CIB4: variants seen among roughly 807,000 people sequenced by gnomAD.
CIB4 encodes calcium and integrin-binding family member 4.
CIB4 carries 25 observed loss-of-function variants against 25.8 expected under a neutral mutation model. That is an observed-to-expected ratio of 0.97 (90% confidence interval 0.71 to 1.35). The LOEUF is 1.35. Among genes scored for constraint, CIB4 ranks in the 40% most tolerant of loss-of-function variants. CIB4 has a pLI of 0.00. For synonymous variants in CIB4, 75 were observed against 81.4 expected (o/e 0.92, Z 0.42); for missense variants, 235 against 228.2 (o/e 1.03, Z -0.19).
chr2:26,591,118 G>A (rs1668579107), intron 4 of CIB4, among the ~76,000 whole-genome samples: 1 of 152,198 alleles, frequency 6.6e-6, no homozygotes, highest in Admixed American at 6.5e-5. Context: ...CGTCTTTTGT[G>A]GCCTCTGCCC....
At chr2:26,614,466 G>A (rs769969750) in intron 3 of CIB4, among the ~76,000 whole-genome samples, 8 of 152,302 alleles carry the variant, frequency 5.3e-5, no homozygotes, top group African/African-American at 1.2e-4. Flanking sequence ...TTGCACTAGA[G>A]GGAGGAGGCT....
intron 2 of CIB4, among the ~76,000 whole-genome samples, chr2:26,630,276 G>A (rs1669392219): frequency 6.6e-6 from 1 of 152,098 alleles, no homozygotes; most frequent in African/African-American, 2.4e-5. Context: ...TCCTGAACCT[G>A]GGTCCCTGTC....
chr2:26,610,289 T>C (rs556162724), intron 3 of CIB4, among the ~76,000 whole-genome samples: 1 of 152,344 alleles, frequency 6.6e-6, no homozygotes, highest in Admixed American at 6.5e-5. Flanking sequence ...AATTGATCTA[T>C]TTTGTCCCTC....
At chr2:26,598,349 T>C (rs1434891876) in intron 3 of CIB4, among the ~76,000 whole-genome samples, 1 of 149,712 alleles carries the variant, frequency 6.7e-6, no homozygotes, top group East Asian at 2.0e-4. Context: ...GTTAAAGAAA[T>C]GGCTCATGGC....
chr2:26,611,991 T>C (rs962824328), intron 3 of CIB4, among the ~76,000 whole-genome samples: 2 of 152,252 alleles, frequency 1.3e-5, no homozygotes, highest in East Asian at 1.9e-4. Context: ...GGAATTGATT[T>C]CTTAAAATTT....
intron 4 of CIB4, among the ~76,000 whole-genome samples, chr2:26,589,103 T>C (rs1276291802): frequency 2.8e-5 from 3 of 106,394 alleles, no homozygotes; most frequent in Non-Finnish European, 3.8e-5. Flanking sequence ...TTCTTCTTCT[T>C]CTTCCTCTTC....
chr2:26,626,426 A>C (rs1360314836), intron 3 of CIB4, among the ~76,000 whole-genome samples: 1 of 151,508 alleles, frequency 6.6e-6, no homozygotes, highest in Non-Finnish European at 1.5e-5. Context: ...AATCAATGGG[A>C]TCCAAATCAA....
At chr2:26,598,544 G>A (rs1475283520) in intron 3 of CIB4, among the ~76,000 whole-genome samples, 1 of 152,182 alleles carries the variant, frequency 6.6e-6, no homozygotes, top group Non-Finnish European at 1.5e-5. Context: ...AGGGGACACT[G>A]TCCCTGAGAG....
chr2:26,598,180 G>A (rs1474908300), intron 3 of CIB4, among the ~76,000 whole-genome samples: 1 of 151,676 alleles, frequency 6.6e-6, no homozygotes, highest in Non-Finnish European at 1.5e-5. Context: ...CGTGCCTGCA[G>A]TCCCAGCTAC....
chr2:26,589,081 T>C (rs868616421), intron 4 of CIB4, among the ~76,000 whole-genome samples: 1,120 of 84,112 alleles, frequency 0.013, 164 homozygotes, highest in African/African-American at 0.08. Context: ...CCTCTTCTTC[T>C]TCTTCTTCTT....
intron 3 of CIB4, among the ~76,000 whole-genome samples, chr2:26,619,243 G>A (rs1286556772): frequency 1.3e-5 from 2 of 152,134 alleles, no homozygotes; most frequent in Non-Finnish European, 2.9e-5. Context: ...TCCCCACAGG[G>A]CCCTCCCCGG....
chr2:26,629,566 G>A (rs1044348480), intron 2 of CIB4, 60 bp from the exon 3 acceptor site: 78 of 1,143,972 alleles, frequency 6.8e-5, no homozygotes, highest in African/African-American at 4.4e-4. Flanking sequence ...CTGTGTGGCC[G>A]GGGAAAGGAG....
intron 3 of CIB4, among the ~76,000 whole-genome samples, chr2:26,624,655 G>A (rs1211934276): frequency 6.9e-6 from 1 of 145,894 alleles, no homozygotes; most frequent in African/African-American, 2.6e-5. Context: ...AAAACTGAAA[G>A]TTGGCATCTC....
At chr2:26,628,888 G>A (rs1243971349) in intron 3 of CIB4, among the ~76,000 whole-genome samples, 2 of 152,162 alleles carry the variant, frequency 1.3e-5, no homozygotes, top group African/African-American at 4.8e-5. Context: ...TGGTCCTGCA[G>A]GGGATCCTGG....
intron 3 of CIB4, among the ~76,000 whole-genome samples, chr2:26,596,746 T>TAAAAAAA (rs11286952): frequency 7.0e-6 from 1 of 143,334 alleles, no homozygotes; most frequent in Non-Finnish European, 1.5e-5. Flanking sequence ...AAACTGCATC[T>TAAAAAAA]AAAAAAAAAA....
Position 26,640,518 on chromosome 2 carries a change from G to C in CIB4, c.89+15C>G, listed in dbSNP as rs192079569. 3 of 1,612,636 alleles carry C rather than the reference G, an allele frequency of 1.9e-6. No individual in the cohort carries two copies. The highest frequency in any genetic ancestry group is 1.1e-5 in the South Asian group (1 of 90,888). ...GGAGCTGGGAGAAGGAAAGAGGGGCGGGGCTTCTACTCACCACAGAATTTC... is the reference window on the plus strand; with the variant it reads ...GGAGCTGGGAGAAGGAAAGAGGGGCCGGGCTTCTACTCACCACAGAATTTC... On this transcript the variant is annotated intron_variant, in intron 2 of 6. Transcript: ENST00000288861.
chr2:26,601,128 C>A (rs931992457), intron 3 of CIB4, among the ~76,000 whole-genome samples: 1 of 149,470 alleles, frequency 6.7e-6, no homozygotes, highest in Non-Finnish European at 1.5e-5. Flanking sequence ...GGCTGAGGTA[C>A]AAGGATCAAT....
intron 6 of CIB4, 42 bp from the exon 7 acceptor site, chr2:26,581,435 C>T: frequency 6.2e-7 from 1 of 1,607,124 alleles, no homozygotes; most frequent in Non-Finnish European, 8.5e-7. Context: ...CCCGCAGGTC[C>T]AAGGGGCCCT....
At position 26,622,296 on chromosome 2, in the gene CIB4, G is replaced by T. The variant is rs184558741; in HGVS notation, c.186+7114C>A. ...GAATTGCTTGAACCCAAGAGACAGA[G>T]GTTGCAGTGAGCCGAGATCGCATCA... On this transcript the variant is annotated intron_variant, in intron 3 of 6. Coordinates refer to ENST00000288861, the MANE Select transcript of CIB4 (RefSeq NM_001029881.3). Among the ~76,000 whole-genome samples the T allele has an allele frequency of 1.2e-3, 176 of 152,248 alleles. 1 individual carries two copies. The highest frequency in any genetic ancestry group is 4.0e-3 in the African/African-American group (165 of 41,520).
Sources: allele counts gnomAD v4.1 joint callset (sites outside exome capture counted in the v4.1 genomes callset), GRCh38; gene constraint gnomAD v4.1.1; transcripts MANE v1.5; gene names NCBI Gene and HGNC (gene_info 2026-07-23, HGNC 2026-07-21).